LAPTM4B: variants seen among roughly 807,000 people sequenced by gnomAD.
LAPTM4B encodes the protein lysosomal protein transmembrane 4 beta.
A neutral mutation model predicts 28.5 loss-of-function variants in LAPTM4B; 26 were observed. That is an observed-to-expected ratio of 0.91 (90% CI 0.67 to 1.27). The LOEUF (loss-of-function observed/expected upper bound fraction) is 1.27, where lower values mean the gene tolerates loss of function less well. LAPTM4B is among the 50% of genes most tolerant of loss of function. The pLI is 0.00. For synonymous variants in LAPTM4B, 109 were observed against 106.4 expected (o/e 1.02, Z -0.15); for missense variants, 288 against 285.8 (o/e 1.01, Z -0.06).
At chr8:97,786,701 G>GGA (rs751867632) in intron 1 of LAPTM4B, among the ~76,000 whole-genome samples, 52 of 89,254 alleles carry the variant, frequency 5.8e-4, no homozygotes, top group Non-Finnish European at 7.2e-4. Flanking sequence ...TCCCGTCTCA[G>GGA]AAAAAAAAAA....
At chr8:97,821,959 T>G (rs76470491) in intron 5 of LAPTM4B, among the ~76,000 whole-genome samples, 5,852 of 151,768 alleles carry the variant, frequency 0.039, 158 homozygotes, top group Admixed American at 0.078. Flanking sequence ...TGAAAGAAAA[T>G]GAATTGAGTC....
chr8:97,781,221 C>T (rs539709623), intron 1 of LAPTM4B, among the ~76,000 whole-genome samples: 12 of 149,792 alleles, frequency 8.0e-5, no homozygotes, highest in Non-Finnish European at 1.6e-4. Context: ...CCTTGTGATC[C>T]ATCCGCCTTG....
chr8:97,807,224 C>A (rs953277498), intron 2 of LAPTM4B, among the ~76,000 whole-genome samples: 2 of 152,124 alleles, frequency 1.3e-5, no homozygotes, highest in Non-Finnish European at 2.9e-5. Context: ...CTCAATTTCC[C>A]CCTCTGCAAG....
intron 6 of LAPTM4B, among the ~76,000 whole-genome samples, chr8:97,837,225 C>CT (rs1451677293): frequency 6.9e-6 from 1 of 144,138 alleles, no homozygotes; most frequent in Non-Finnish European, 1.5e-5. Flanking sequence ...GACAGAGTCT[C>CT]TGTCGCCCAG....
At chr8:97,811,483 G>A (rs1228467789) in intron 2 of LAPTM4B, among the ~76,000 whole-genome samples, 1 of 152,194 alleles carries the variant, frequency 6.6e-6, no homozygotes, top group African/African-American at 2.4e-5. Context: ...CTGTGTGTAT[G>A]CTTATATATG....
intron 6 of LAPTM4B, among the ~76,000 whole-genome samples, chr8:97,850,007 G>A (rs1167805711): frequency 1.3e-5 from 2 of 151,750 alleles, no homozygotes; most frequent in East Asian, 3.9e-4. Flanking sequence ...TGGTTCAGCG[G>A]GAAGCCTCTC....
At chr8:97,824,457 CT>C (rs1817060788) in intron 5 of LAPTM4B, among the ~76,000 whole-genome samples, 2 of 152,172 alleles carry the variant, frequency 1.3e-5, no homozygotes, top group African/African-American at 2.4e-5. Flanking sequence ...GCTTAAACAT[CT>C]CCCGTGAACT....
In LAPTM4B at chr8:97,828,616, C is replaced by A. The variant is rs1817130284; in HGVS notation, c.603+3463C>A. On this transcript the variant is annotated intron_variant, in intron 6 of 6. Coordinates refer to ENST00000521545, the MANE Select transcript of LAPTM4B (RefSeq NM_018407.6). ...AAGGCCTGATTGATTTACGTAAAAG[C>A]AGCATTCTTCATTTAAGAATAGGCA... is the stretch of plus-strand genomic sequence containing the variant. Among the ~76,000 whole-genome samples the A allele has an allele frequency of 2.0e-5, 3 of 152,140 alleles. No homozygotes were observed. In the South Asian group the frequency reaches 6.2e-4, roughly 32 times the overall value.
intron 4 of LAPTM4B, among the ~76,000 whole-genome samples, chr8:97,817,651 T>C (rs1816942104): frequency 6.6e-6 from 1 of 152,022 alleles, no homozygotes; most frequent in Non-Finnish European, 1.5e-5. Context: ...GGTTTCACCA[T>C]CTTTTCCAGG....
chr8:97,844,039 A>G (rs1006779158), intron 6 of LAPTM4B, among the ~76,000 whole-genome samples: 13 of 123,776 alleles, frequency 1.1e-4, no homozygotes, highest in African/African-American at 4.1e-4. Context: ...ATTTTGCCTT[A>G]TTTCTGGGTG....
chr8:97,819,477 T>C (rs1433339279), intron 5 of LAPTM4B, among the ~76,000 whole-genome samples: 1 of 152,200 alleles, frequency 6.6e-6, no homozygotes, highest in East Asian at 1.9e-4. Flanking sequence ...CATAATGTTA[T>C]ACATTACATA....
At chr8:97,788,936 C>T (rs1302889595) in intron 1 of LAPTM4B, among the ~76,000 whole-genome samples, 10 of 152,044 alleles carry the variant, frequency 6.6e-5, no homozygotes, top group South Asian at 4.2e-4. Flanking sequence ...CCTCGTGATC[C>T]GCCCACCTCA....
intron 6 of LAPTM4B, among the ~76,000 whole-genome samples, chr8:97,833,501 T>C (rs1446702753): frequency 6.6e-6 from 1 of 152,252 alleles, no homozygotes; most frequent in Non-Finnish European, 1.5e-5. Flanking sequence ...CATAAAGGGA[T>C]AATTTTCTAG....
intron 5 of LAPTM4B, among the ~76,000 whole-genome samples, chr8:97,820,712 A>G (rs1295914974): frequency 1.3e-5 from 2 of 151,648 alleles, no homozygotes; most frequent in Non-Finnish European, 2.9e-5. Flanking sequence ...AGCCTGGGTG[A>G]CAGAGTGAGA....
chr8:97,808,642 G>A (rs527357829), intron 2 of LAPTM4B, among the ~76,000 whole-genome samples: 3 of 152,062 alleles, frequency 2.0e-5, no homozygotes, highest in East Asian at 3.9e-4. Context: ...TTATAACCAC[G>A]TGATTTAAAT....
chr8:97,842,924 G>C (rs1385465810), intron 6 of LAPTM4B, among the ~76,000 whole-genome samples: 5 of 151,428 alleles, frequency 3.3e-5, no homozygotes, highest in Non-Finnish European at 7.4e-5. Flanking sequence ...TCTCACCCAG[G>C]CTGGAGTGTG....
chr8:97,802,263 A>G (rs1056164193), intron 1 of LAPTM4B, among the ~76,000 whole-genome samples: 50 of 152,282 alleles, frequency 3.3e-4, no homozygotes, highest in African/African-American at 1.2e-3. Flanking sequence ...TGATAATACT[A>G]TAATTATTTA....
chr8:97,815,652 C>T (rs906521892), intron 3 of LAPTM4B, among the ~76,000 whole-genome samples: 2 of 151,988 alleles, frequency 1.3e-5, no homozygotes, highest in Non-Finnish European at 2.9e-5. Context: ...CTGCAATCTC[C>T]GCCTCCCAAG....
intron 1 of LAPTM4B, among the ~76,000 whole-genome samples, chr8:97,789,464 G>A (rs1816464093): frequency 6.6e-6 from 1 of 151,760 alleles, no homozygotes; most frequent in Admixed American, 6.6e-5. Context: ...AGGCTCAAAT[G>A]ATCCTCCCTC....
Sources: gnomAD v4.1 joint callset for allele counts (sites outside exome capture counted in the v4.1 genomes callset) on GRCh38, gnomAD v4.1.1 for gene constraint, MANE v1.5 for transcripts, NCBI Gene and HGNC (gene_info 2026-07-23, HGNC 2026-07-21) for gene names.